GRIN3A: variants seen among roughly 807,000 people sequenced by gnomAD.
GRIN3A encodes glutamate receptor ionotropic, NMDA 3A.
Under a neutral mutation model 92.4 loss-of-function variants are expected in GRIN3A, and 47 were observed. The observed-to-expected ratio is 0.51, with a 90% CI of 0.40 to 0.65. GRIN3A has a LOEUF of 0.65. GRIN3A is among the 30% of genes least tolerant of loss of function. The pLI is 0.00. For synonymous variants in GRIN3A, 527 were observed against 540.6 expected, an observed-to-expected ratio of 0.97 and a Z score of 0.35; for missense variants, 1,324 against 1,393.1, an observed-to-expected ratio of 0.95 and a Z score of 0.79.
At chr9:101,614,542 A>G (rs1828412119) in intron 5 of GRIN3A, among the ~76,000 whole-genome samples, 1 of 152,018 alleles carries the variant, frequency 6.6e-6, no homozygotes, top group Non-Finnish European at 1.5e-5. Flanking sequence ...CATTGTGTAA[A>G]TATTAAAACA....
At chr9:101,666,643 A>G (rs970505169) in intron 3 of GRIN3A, among the ~76,000 whole-genome samples, 2 of 152,046 alleles carry the variant, frequency 1.3e-5, no homozygotes, top group Non-Finnish European at 2.9e-5. Context: ...AACTTAAATT[A>G]AAAGTTTAAA....
rs1488702799 is a variant in GRIN3A, at chr9:101,571,190, CATT to C, written c.*1981_*1983del. 1 of 152,164 alleles carries C rather than the reference CATT, an allele frequency of 6.6e-6. No individual in the cohort carries two copies. Among genetic ancestry groups the C allele is most frequent in the African/African-American group, 2.4e-5 (1 of 41,420 alleles). The allele number at this position is 152,164 out of a possible 1,614,324, so 9.4% of individuals were successfully genotyped here. ...TGTTTTCAGGGCTCACCTGTTTCCT[CATT>C]ATTGAACTGTTTCATCTGTGGAGTT... On this transcript the variant is annotated 3_prime_UTR_variant, in exon 9 of 9. Coordinates refer to ENST00000361820, the MANE Select transcript of GRIN3A (RefSeq NM_133445.3).
At position 101,738,213 on chromosome 9, in the gene GRIN3A, C is replaced by T. The variant is rs1830244817; in HGVS notation, c.-234G>A. ...GCCTGGCATCCTCTGCCCGCCCGGT[C>T]ACTGCGCTGAGCAGGCAGGCGGGCG... On this transcript the variant is annotated 5_prime_UTR_variant, in exon 1 of 9. Transcript: ENST00000361820. The T allele has an allele frequency of 1.7e-6, 1 of 591,420 alleles. No homozygotes were observed. The highest frequency in any genetic ancestry group is 3.0e-6 in the Non-Finnish European group (1 of 329,274). 36.6% of individuals were successfully genotyped at this position (591,420 alleles called of 1,614,324 possible). A position where few individuals can be genotyped will look rare whatever the true frequency, so the allele number is the denominator to read the frequency against.
chr9:101,594,471 C>G (rs547123769), intron 6 of GRIN3A: 1 of 1,614,182 alleles, frequency 6.2e-7, no homozygotes, highest in East Asian at 2.2e-5. Context: ...CTGAATTCCT[C>G]AAAGGATATC....
At chr9:101,650,318 G>A (rs531144377) in intron 3 of GRIN3A, among the ~76,000 whole-genome samples, 2 of 152,088 alleles carry the variant, frequency 1.3e-5, no homozygotes, top group East Asian at 3.9e-4. Context: ...CTCTAACTCT[G>A]GTCCTAGCCA....
chr9:101,626,097 C>A (rs910104918), intron 4 of GRIN3A, among the ~76,000 whole-genome samples: 1 of 152,268 alleles, frequency 6.6e-6, no homozygotes, highest in South Asian at 2.1e-4. Context: ...CAAGTGGGAT[C>A]CAGTTACAAG....
At position 101,671,089 on chromosome 9, in the gene GRIN3A, A is replaced by C; in HGVS notation, c.1323T>G (p.Thr441=). 1 of 1,613,730 alleles carries C rather than the reference A, an allele frequency of 6.2e-7. No individual in the cohort carries two copies. Among genetic ancestry groups the C allele is most frequent in the Non-Finnish European group, 8.5e-7 (1 of 1,179,658 alleles). Residue 441 remains threonine, a synonymous_variant, in exon 3 of 9, where the codon ACT becomes ACG. Transcript: ENST00000361820. Reference sequence around the variant, plus strand: ...TGATGGAACCACTGAGGCCTCTGAAAGTGGTATTGGCTAGAAACCTGGGAA... The same window carrying C: ...TGATGGAACCACTGAGGCCTCTGAACGTGGTATTGGCTAGAAACCTGGGAA... ...QYLSRFLANT[T]FRGLSGSIRV... is the part of the protein sequence containing the mutation.
intron 3 of GRIN3A, among the ~76,000 whole-genome samples, chr9:101,654,665 C>G (rs1317278908): frequency 6.6e-6 from 1 of 151,546 alleles, no homozygotes; most frequent in African/African-American, 2.4e-5. Flanking sequence ...TTCCTCTCCT[C>G]TTTTCCTCCA....
rs565042713 is a variant in GRIN3A at position 101,632,138 on chromosome 9, C to G, written c.2353-3737G>C. ...ACAAACATTTTGCTTGGTCAGAGCT[C>G]TTGCATATAGTCTTCAGTCGGCCTG... On this transcript the variant is annotated intron_variant, in intron 3 of 8. Transcript: ENST00000361820. Among the ~76,000 whole-genome samples the G allele has an allele frequency of 5.3e-5, 8 of 152,300 alleles. No homozygotes were observed. In the South Asian group the frequency reaches 1.7e-3, roughly 32 times the overall value.
In GRIN3A at chr9:101,736,495, C is replaced by CT. The variant is rs1007073234; in HGVS notation, c.699+785dup. 1.2e-3 allele frequency among the ~76,000 whole-genome samples: 183 copies of CT among 148,844 alleles called. 1 individual carries two copies. Among genetic ancestry groups the CT allele is most frequent in the East Asian group, 1.6e-3 (8 of 5,082 alleles). Reference sequence around the variant, plus strand: ...AATAAGAAACTAAATCATTTAATTCCTTTTTTTTTTTAATTCTTAGATGAT... The same window carrying CT: ...AATAAGAAACTAAATCATTTAATTCCTTTTTTTTTTTTAATTCTTAGATGAT... On this transcript the variant is annotated intron_variant, in intron 1 of 8. Transcript: ENST00000361820.
At chr9:101,691,807 T>G (rs1282426028) in intron 1 of GRIN3A, among the ~76,000 whole-genome samples, 1 of 152,198 alleles carries the variant, frequency 6.6e-6, no homozygotes, top group Non-Finnish European at 1.5e-5. Flanking sequence ...GTATAGAGGT[T>G]AGGACTTAGT....
intron 6 of GRIN3A, among the ~76,000 whole-genome samples, chr9:101,608,807 G>A (rs1395289274): frequency 2.6e-5 from 4 of 152,136 alleles, no homozygotes; most frequent in African/African-American, 9.7e-5. Flanking sequence ...CATGTTTCTA[G>A]CCATCATACT....
At chr9:101,661,765 G>T (rs1489459465) in intron 3 of GRIN3A, among the ~76,000 whole-genome samples, 1 of 151,714 alleles carries the variant, frequency 6.6e-6, no homozygotes, top group African/African-American at 2.4e-5. Context: ...CTCTGTTAAG[G>T]CTCTTGATCC....
intron 3 of GRIN3A, among the ~76,000 whole-genome samples, chr9:101,659,293 T>C (rs1439433140): frequency 6.6e-6 from 1 of 151,660 alleles, no homozygotes; most frequent in Non-Finnish European, 1.5e-5. Context: ...AAGATATATA[T>C]GTATATAAAT....
rs114090496 is a variant in GRIN3A at position 101,693,485 on chromosome 9, C to T, written c.700-6285G>A. ...TTGGACTCAAAAGCCTGTGCTTTTA[C>T]CTATTATTCTATACTGTTCCCTCTA... On this transcript the variant is annotated intron_variant, in intron 1 of 8. Coordinates refer to ENST00000361820, the MANE Select transcript of GRIN3A (RefSeq NM_133445.3). 2.4e-3 allele frequency among the ~76,000 whole-genome samples: 372 copies of T among 152,058 alleles called. 1 individual carries two copies. The highest frequency in any genetic ancestry group is 8.5e-3 in the African/African-American group (353 of 41,492).
chr9:101,674,422 G>T (rs947519306), intron 2 of GRIN3A, among the ~76,000 whole-genome samples: 5 of 152,068 alleles, frequency 3.3e-5, no homozygotes, highest in Non-Finnish European at 7.4e-5. Flanking sequence ...TAAGGGCTAA[G>T]GCAGTAGCAG....
chr9:101,613,626 A>C, intron 5 of GRIN3A, 99 bp from the exon 6 acceptor site: 1 of 1,123,294 alleles, frequency 8.9e-7, no homozygotes. Flanking sequence ...GACCAAAAAA[A>C]GGGCGTGATG....
At position 101,623,452 on chromosome 9, in the gene GRIN3A, G is replaced by A. The variant is rs1461599601; in HGVS notation, c.2499-19C>T. On this transcript the variant is annotated intron_variant, in intron 4 of 8. Coordinates refer to ENST00000361820, the MANE Select transcript of GRIN3A (RefSeq NM_133445.3). Reference sequence around the variant, plus strand: ...ATCATTCCTATATTTAAGACCAGAGGAGAAAAGTGAAAATGATTCATTAAT... The same window carrying A: ...ATCATTCCTATATTTAAGACCAGAGAAGAAAAGTGAAAATGATTCATTAAT... 6.7e-7 allele frequency: 1 copy of A among 1,484,228 alleles called. No homozygotes were observed. The highest frequency in any genetic ancestry group is 9.4e-7 in the Non-Finnish European group (1 of 1,061,766). The allele number at this position is 1,484,228 out of a possible 1,614,324, so 91.9% of individuals were successfully genotyped here.
intron 1 of GRIN3A, among the ~76,000 whole-genome samples, chr9:101,688,535 G>A (rs574795755): frequency 6.6e-6 from 1 of 152,142 alleles, no homozygotes; most frequent in South Asian, 2.1e-4. Flanking sequence ...AACAGGGATG[G>A]GGAATTAGAA....
Sources: allele counts gnomAD v4.1 joint callset (sites outside exome capture counted in the v4.1 genomes callset), GRCh38; gene constraint gnomAD v4.1.1; transcripts MANE v1.5; gene names NCBI Gene and HGNC (gene_info 2026-07-23, HGNC 2026-07-21).